The following NTM variants were observed in gnomAD, a reference collection of about 807,000 sequenced individuals.
NTM encodes the protein IgLON family member 2.
A neutral mutation model predicts 42.1 loss-of-function variants in NTM; 13 were observed. The ratio of observed to expected loss-of-function variants is 0.31; its 90% CI spans 0.20 to 0.49. The LOEUF (loss-of-function observed/expected upper bound fraction) is 0.49. Ranked by LOEUF, NTM falls within the 20% of genes least tolerant of loss-of-function variation. The pLI is 0.99. For synonymous variants in NTM, 187 were observed against 179.2 expected (o/e 1.04, Z -0.35); for missense variants, 373 against 452.8 (o/e 0.82, Z 1.60).
At chr11:131,987,998 A>G (rs1318830512) in intron 2 of NTM, among the ~76,000 whole-genome samples, 1 of 152,234 alleles carries the variant, frequency 6.6e-6, no homozygotes, top group Non-Finnish European at 1.5e-5. Flanking sequence ...GGTGGCTGAT[A>G]AACAACAAAC....
At chr11:131,767,487 A>T (rs10750487) in intron 1 of NTM, among the ~76,000 whole-genome samples, 43,520 of 152,124 alleles carry the variant, frequency 0.29, 6,679 homozygotes, top group Admixed American at 0.4. Flanking sequence ...CCCAGTGGGA[A>T]AGTCTTAGGA....
At chr11:132,039,120 C>T (rs554575205) in intron 2 of NTM, among the ~76,000 whole-genome samples, 103 of 152,272 alleles carry the variant, frequency 6.8e-4, no homozygotes, top group African/African-American at 1.7e-3. Flanking sequence ...GGGTGAGGCC[C>T]GGCCCTTTGG....
intron 1 of NTM, among the ~76,000 whole-genome samples, chr11:131,526,532 G>A (rs2050510652): frequency 6.6e-6 from 1 of 152,236 alleles, no homozygotes; most frequent in African/African-American, 2.4e-5. Flanking sequence ...TTCGAGCAGT[G>A]TGATAAGGTA....
chr11:131,634,936 A>G (rs1168732641), intron 1 of NTM, among the ~76,000 whole-genome samples: 1 of 152,186 alleles, frequency 6.6e-6, no homozygotes, highest in African/African-American at 2.4e-5. Context: ...GAAGCTGCAT[A>G]TTCATTTCAA....
chr11:131,375,119 G>A (rs1941779992), intron 1 of NTM, among the ~76,000 whole-genome samples: 1 of 152,128 alleles, frequency 6.6e-6, no homozygotes, highest in African/African-American at 2.4e-5. Context: ...TCTGAACATA[G>A]CTCCATGGGG....
At chr11:132,215,581 T>A (rs2083674758) in intron 4 of NTM, among the ~76,000 whole-genome samples, 1 of 152,164 alleles carries the variant, frequency 6.6e-6, no homozygotes. Context: ...GCACTTTATA[T>A]CAGATAGAGA....
chr11:131,636,247 C>T (rs1437589612), intron 1 of NTM, among the ~76,000 whole-genome samples: 2 of 152,154 alleles, frequency 1.3e-5, no homozygotes, highest in South Asian at 2.1e-4. Context: ...CCGAATCTGG[C>T]TCAAGGTTAA....
intron 1 of NTM, among the ~76,000 whole-genome samples, chr11:131,842,621 G>T (rs1430426129): frequency 6.6e-6 from 1 of 152,138 alleles, no homozygotes. Flanking sequence ...TTTTGAAAAA[G>T]ACATTGCAAG....
intron 1 of NTM, among the ~76,000 whole-genome samples, chr11:131,465,181 G>A (rs1215092983): frequency 1.3e-5 from 2 of 152,212 alleles, no homozygotes; most frequent in South Asian, 2.1e-4. Context: ...GGTGACAAAT[G>A]AGTTTGCATT....
chr11:132,154,343 A>T (rs1591859911), intron 3 of NTM, among the ~76,000 whole-genome samples: 2 of 152,200 alleles, frequency 1.3e-5, no homozygotes, highest in South Asian at 4.1e-4. Flanking sequence ...TAGAAAGGAG[A>T]TATATTGGAA....
intron 1 of NTM, among the ~76,000 whole-genome samples, chr11:131,662,876 T>C (rs2068332832): frequency 6.6e-6 from 1 of 152,098 alleles, no homozygotes; most frequent in Non-Finnish European, 1.5e-5. Flanking sequence ...CCCTCAGAAT[T>C]TCCCATTAAT....
chr11:131,716,351 C>T (rs1592680776), intron 1 of NTM, among the ~76,000 whole-genome samples: 1 of 152,210 alleles, frequency 6.6e-6, no homozygotes, highest in East Asian at 1.9e-4. Flanking sequence ...AGACCATAGC[C>T]TAAGGTCATA....
chr11:131,436,672 C>G (rs1949162463), intron 1 of NTM, among the ~76,000 whole-genome samples: 1 of 152,054 alleles, frequency 6.6e-6, no homozygotes. Context: ...ATTCTTCTCT[C>G]TTTTCTTCTT....
chr11:131,982,717 C>T (rs967631610), intron 2 of NTM, among the ~76,000 whole-genome samples: 29 of 152,300 alleles, frequency 1.9e-4, no homozygotes, highest in Non-Finnish European at 2.9e-4. Context: ...ATTCATTACA[C>T]GTCATAAAGG....
chr11:132,237,381 C>T (rs2089205373), intron 4 of NTM, among the ~76,000 whole-genome samples: 1 of 152,168 alleles, frequency 6.6e-6, no homozygotes, highest in South Asian at 2.1e-4. Context: ...CGGTACGTCA[C>T]AGTGATCCCA....
chr11:131,411,592 T>C (rs1025968850), intron 1 of NTM, among the ~76,000 whole-genome samples: 1 of 138,096 alleles, frequency 7.2e-6, no homozygotes, highest in African/African-American at 2.7e-5. Context: ...TGTGTGTACT[T>C]GAGAGCTGGG....
chr11:132,025,706 G>T (rs1053261903), intron 2 of NTM, among the ~76,000 whole-genome samples: 1 of 152,180 alleles, frequency 6.6e-6, no homozygotes, highest in Non-Finnish European at 1.5e-5. Flanking sequence ...CGAATTGGCC[G>T]GGGGTGTGGC....
At chr11:132,048,361 G>A (rs79245796) in intron 2 of NTM, among the ~76,000 whole-genome samples, 1,668 of 152,258 alleles carry the variant, frequency 0.011, 31 homozygotes, top group African/African-American at 0.038. Flanking sequence ...GGGTCCACAC[G>A]ATCAATACAT....
chr11:131,596,233 C>A (rs74631502), intron 1 of NTM, among the ~76,000 whole-genome samples: 3 of 152,206 alleles, frequency 2.0e-5, no homozygotes, highest in Middle Eastern at 3.4e-3. Flanking sequence ...ATCTTCAGTT[C>A]GATCTAATGT....
Sources: allele counts gnomAD v4.1 joint callset (sites outside exome capture counted in the v4.1 genomes callset), GRCh38; gene constraint gnomAD v4.1.1; transcripts MANE v1.5; gene names NCBI Gene and HGNC (gene_info 2026-07-23, HGNC 2026-07-21).